The following MAST4 variants were observed in gnomAD, a reference collection of about 807,000 sequenced individuals.
MAST4 encodes the protein microtubule associated serine/threonine kinase family member 4.
Under a neutral mutation model 162.7 loss-of-function variants are expected in MAST4, and 89 were observed. The observed-to-expected ratio is 0.55, with a 90% CI of 0.46 to 0.65. MAST4 has a LOEUF of 0.65. Ranked by LOEUF, MAST4 falls within the 30% of genes least tolerant of loss-of-function variation. The probability of loss-of-function intolerance (pLI) is 0.00; values close to 1 mark genes in which losing one functional copy is unlikely to be tolerated. For synonymous variants in MAST4, 1,479 were observed against 1,361.1 expected, an observed-to-expected ratio of 1.09 and a Z score of -1.91; for missense variants, 3,153 against 3,374.0, an observed-to-expected ratio of 0.93 and a Z score of 1.62.
chr5:67,133,373 C>T, intron 16 of MAST4, 141 bp from the exon 17 acceptor site: 1 of 865,420 alleles, frequency 1.2e-6, no homozygotes, highest in South Asian at 1.8e-5. Context: ...GTGACTCCAT[C>T]TCTTTCCAGG....
chr5:66,804,572 C>T (rs971287472), intron 3 of MAST4, among the ~76,000 whole-genome samples: 11 of 152,158 alleles, frequency 7.2e-5, no homozygotes, highest in African/African-American at 2.7e-4. Flanking sequence ...GCCCACTGGC[C>T]AAAGTAAGCC....
intron 1 of MAST4, among the ~76,000 whole-genome samples, chr5:66,748,889 T>G (rs1249165282): frequency 6.6e-6 from 1 of 151,892 alleles, no homozygotes; most frequent in Non-Finnish European, 1.5e-5. Context: ...CAGGATGGTG[T>G]GGTCTAGGAC....
At position 66,649,733 on chromosome 5, in the gene MAST4, A is replaced by G. The variant is rs144726430; in HGVS notation, c.363+52715A>G. The stretch of plus-strand genomic sequence containing the variant: ...CTGGACCATTCTGGCCTCTGTAATG[A>G]CTGTTTCTTACTCCTCTGTAAGGAC... On this transcript the variant is annotated intron_variant, in intron 1 of 28. Coordinates refer to ENST00000403625, the MANE Select transcript of MAST4 (RefSeq NM_001164664.2). Among the ~76,000 whole-genome samples the G allele has an allele frequency of 9.3e-3, 1,412 of 151,970 alleles. 16 individuals are homozygous for G. The highest frequency in any genetic ancestry group is 0.033 in the African/African-American group (1,348 of 41,422).
chr5:67,164,138 C>T lies in MAST4; in HGVS notation c.4959C>T (p.Leu1653=). ...GTLQDGLCHS[L]DRGISGKGEG... is the part of the protein sequence containing the mutation. ...TCCAGGATGGTCTCTGCCACTCCCTCGACAGGGGCATCTCTGGGAAGGGGG... is the reference window on the plus strand; with the variant it reads ...TCCAGGATGGTCTCTGCCACTCCCTTGACAGGGGCATCTCTGGGAAGGGGG... The change falls in exon 29 of 29, where the codon CTC becomes CTT. Residue 1653 remains leucine, a synonymous_variant. Transcript: ENST00000403625. The surrounding 1 kb of genome is among the most constrained non-coding windows in gnomAD (Gnocchi z 5.3). 1.2e-6 allele frequency: 2 copies of T among 1,604,574 alleles called. No homozygotes were observed. The highest frequency in any genetic ancestry group is 1.7e-6 in the Non-Finnish European group (2 of 1,175,392).
chr5:66,839,941 C>T (rs1257521819), intron 3 of MAST4, among the ~76,000 whole-genome samples: 1 of 151,948 alleles, frequency 6.6e-6, no homozygotes, highest in African/African-American at 2.4e-5. Context: ...TGTGTGTTCA[C>T]AAAGCCATTG....
At chr5:66,706,136 G>A (rs1421451036) in intron 1 of MAST4, among the ~76,000 whole-genome samples, 2 of 151,956 alleles carry the variant, frequency 1.3e-5, no homozygotes, top group South Asian at 4.1e-4. Flanking sequence ...ATCTAGCCCC[G>A]CCCCCCAGAT....
intron 4 of MAST4, among the ~76,000 whole-genome samples, chr5:67,034,964 T>C (rs1414217244): frequency 6.6e-6 from 1 of 152,188 alleles, no homozygotes; most frequent in Non-Finnish European, 1.5e-5. Flanking sequence ...GACTGCTGGT[T>C]TAGAGTGAAC....
intron 4 of MAST4, among the ~76,000 whole-genome samples, chr5:66,945,540 G>T (rs900384283): frequency 6.6e-6 from 1 of 152,026 alleles, no homozygotes; most frequent in Non-Finnish European, 1.5e-5. Flanking sequence ...GCTGCCTTTT[G>T]TGGGGACTGC....
intron 6 of MAST4, among the ~76,000 whole-genome samples, chr5:67,090,462 GCTTCTCCCCC>G (rs1763739168): frequency 1.6e-5 from 1 of 60,736 alleles, no homozygotes; most frequent in South Asian, 8.3e-4. Flanking sequence ...CCCCCTCCCC[GCTTCTCCCCC>G]TCCCCTGCTC....
intron 1 of MAST4, among the ~76,000 whole-genome samples, chr5:66,705,381 T>C (rs767529685): frequency 6.6e-6 from 1 of 152,234 alleles, no homozygotes; most frequent in African/African-American, 2.4e-5. Context: ...GGTGTGTTTC[T>C]AATCGCTGCT....
intron 5 of MAST4, among the ~76,000 whole-genome samples, chr5:67,081,923 CTT>C (rs1762699267): frequency 6.6e-6 from 1 of 152,086 alleles, no homozygotes; most frequent in Admixed American, 6.6e-5. Flanking sequence ...AAAATAATAA[CTT>C]GACAGTGAGG....
chr5:66,774,674 G>A (rs1754503960), intron 2 of MAST4, among the ~76,000 whole-genome samples: 1 of 152,124 alleles, frequency 6.6e-6, no homozygotes. Context: ...TATCCTCAAA[G>A]CAAAGCCTTG....
rs76385834 is a variant in MAST4, at chr5:67,055,781, G to C, written c.763+1289G>C. Among the ~76,000 whole-genome samples the C allele has an allele frequency of 7.9e-5, 12 of 152,190 alleles. 1 individual carries two copies. The East Asian group carries it at 2.3e-3, about 29-fold the overall frequency. Reference sequence around the variant, plus strand: ...CAGCATCTGTAATAGCTAAACATTTGAAGTAACCTAACGATCTATCACTTG... The same window carrying C: ...CAGCATCTGTAATAGCTAAACATTTCAAGTAACCTAACGATCTATCACTTG... On this transcript the variant is annotated intron_variant, in intron 5 of 28. Transcript: ENST00000403625.
intron 3 of MAST4, among the ~76,000 whole-genome samples, chr5:66,871,746 A>G (rs1308590742): frequency 6.6e-6 from 1 of 152,156 alleles, no homozygotes; most frequent in African/African-American, 2.4e-5. Flanking sequence ...AACTTTCGAG[A>G]GGCAGGATTC....
At chr5:66,985,703 A>G (rs1749403042) in intron 4 of MAST4, among the ~76,000 whole-genome samples, 1 of 152,194 alleles carries the variant, frequency 6.6e-6, no homozygotes, top group Non-Finnish European at 1.5e-5. Context: ...GGGTAAGTGG[A>G]ACAAGGGTGT....
intron 3 of MAST4, among the ~76,000 whole-genome samples, chr5:66,884,919 C>G (rs149929736): frequency 5.5e-4 from 84 of 152,322 alleles, no homozygotes; most frequent in Middle Eastern, 3.4e-3. Context: ...TTAATAACGT[C>G]TTCCCCCATA....
intron 3 of MAST4, among the ~76,000 whole-genome samples, chr5:66,837,896 T>TATATATATATA (rs1580596132): frequency 9.7e-4 from 16 of 16,440 alleles, no homozygotes; most frequent in African/African-American, 2.7e-3. Flanking sequence ...ATATATATAT[T>TATATATATATA]TTTTTTTTTT....
At position 67,152,891 on chromosome 5, in the gene MAST4, G is replaced by C. The variant is rs757716292; in HGVS notation, c.3525+25G>C. The C allele has an allele frequency of 7.6e-6, 12 of 1,580,852 alleles. No individual in the cohort carries two copies. In the East Asian group the frequency reaches 1.4e-4, roughly 18 times the overall value. Reference sequence around the variant, plus strand: ...GGTAAGACCTGCATGTCTCGCACTTGGGATTTTTCATTTCCAGCCAAGCTG... The same window carrying C: ...GGTAAGACCTGCATGTCTCGCACTTCGGATTTTTCATTTCCAGCCAAGCTG... On this transcript the variant is annotated intron_variant, in intron 25 of 28. Transcript: ENST00000403625.
At chr5:66,988,306 G>T (rs569000895) in intron 4 of MAST4, among the ~76,000 whole-genome samples, 1 of 152,150 alleles carries the variant, frequency 6.6e-6, no homozygotes. Context: ...GGAAGGAAAA[G>T]GTAGAATTAA....
Sources: allele counts gnomAD v4.1 joint callset (sites outside exome capture counted in the v4.1 genomes callset), GRCh38; gene constraint gnomAD v4.1.1; non-coding constraint Gnocchi (gnomAD v3.1); transcripts MANE v1.5; gene names NCBI Gene and HGNC (gene_info 2026-07-23, HGNC 2026-07-21).